The following POU2F3 variants were observed in gnomAD, a reference collection of about 807,000 sequenced individuals.
POU2F3 encodes the protein POU class 2 homeobox 3, also known as POU domain, class 2, transcription factor 3.
In POU2F3, 23 loss-of-function variants were observed where a neutral mutation model predicts 59.2. The observed-to-expected ratio is 0.39, with a 90% confidence interval of 0.28 to 0.55. The LOEUF (loss-of-function observed/expected upper bound fraction) is 0.55, where lower values mean the gene tolerates loss of function less well. Among genes scored for constraint, POU2F3 ranks in the 20% least tolerant of loss-of-function variants. The probability of loss-of-function intolerance (pLI) is 0.66; values close to 1 mark genes in which losing one functional copy is unlikely to be tolerated. For missense variants in POU2F3, 473 were observed against 544.5 expected (o/e 0.87, Z 1.31); for synonymous variants, 190 against 214.6 (o/e 0.89, Z 1.00).
intron 3 of POU2F3, among the ~76,000 whole-genome samples, chr11:120,295,159 C>T (rs1941157319): frequency 1.3e-5 from 2 of 152,200 alleles, no homozygotes; most frequent in African/African-American, 4.8e-5. Context: ...GGTGCGTTTT[C>T]TTTTATGATG....
At chr11:120,282,911 G>C (rs958987592) in intron 3 of POU2F3, among the ~76,000 whole-genome samples, 1 of 152,136 alleles carries the variant, frequency 6.6e-6, no homozygotes, top group African/African-American at 2.4e-5. Context: ...TGGGTTTTGC[G>C]GGCCACTTAT....
At chr11:120,280,023 C>A (rs1054383089) in intron 3 of POU2F3, among the ~76,000 whole-genome samples, 4 of 152,142 alleles carry the variant, frequency 2.6e-5, no homozygotes, top group African/African-American at 9.7e-5. Context: ...GGGTCCTTCA[C>A]CTGATTGTGC....
At chr11:120,310,416 G>A (rs1428874964) in intron 10 of POU2F3, among the ~76,000 whole-genome samples, 1 of 152,178 alleles carries the variant, frequency 6.6e-6, no homozygotes, top group East Asian at 1.9e-4. Context: ...ATTTGGGGCT[G>A]GTCATATTAA....
At chr11:120,286,045 G>A (rs1436958355) in intron 3 of POU2F3, among the ~76,000 whole-genome samples, 1 of 151,966 alleles carries the variant, frequency 6.6e-6, no homozygotes, top group Non-Finnish European at 1.5e-5. Context: ...ACCATGCCCA[G>A]CTCATTTTTG....
intron 11 of POU2F3, among the ~76,000 whole-genome samples, chr11:120,316,253 G>A (rs1186851149): frequency 6.6e-6 from 1 of 152,152 alleles, no homozygotes; most frequent in East Asian, 1.9e-4. Context: ...ACACAGTTTG[G>A]GAAACACAAA....
At chr11:120,272,955 GTCT>G (rs1454743521) in intron 3 of POU2F3, among the ~76,000 whole-genome samples, 2 of 152,180 alleles carry the variant, frequency 1.3e-5, no homozygotes, top group African/African-American at 4.8e-5. Context: ...CTGAGATGCT[GTCT>G]GAGGCCCCAA....
Position 120,318,409 on chromosome 11 carries a change from C to T in POU2F3, c.*17C>T. The T allele has an allele frequency of 2.5e-6, 4 of 1,577,194 alleles. No individual in the cohort carries two copies. The highest frequency in any genetic ancestry group is 3.5e-6 in the Non-Finnish European group (4 of 1,146,402). Reference sequence around the variant, plus strand: ...CTCCACTGAGACCAAAAAGTTTCTCCTACTCCAGCTGGCCCTGTATTCCCC... The same window carrying T: ...CTCCACTGAGACCAAAAAGTTTCTCTTACTCCAGCTGGCCCTGTATTCCCC... On this transcript the variant is annotated 3_prime_UTR_variant, in exon 13 of 13. Transcript: ENST00000543440.
upstream of POU2F3, among the ~76,000 whole-genome samples, chr11:120,237,649 G>T (rs1444977311): frequency 6.6e-6 from 1 of 152,188 alleles, no homozygotes; most frequent in Non-Finnish European, 1.5e-5. Flanking sequence ...CGGTGCACAT[G>T]GCCATGCAAA....
chr11:120,298,201 A>G, intron 3 of POU2F3, 64 bp from the exon 4 acceptor site: 1 of 1,535,796 alleles, frequency 6.5e-7, no homozygotes, highest in Non-Finnish European at 8.8e-7. Context: ...TCTTCCTGCC[A>G]TTTCCATCTC....
intron 1 of POU2F3, among the ~76,000 whole-genome samples, chr11:120,242,701 A>T (rs1438483593): frequency 1.3e-5 from 2 of 152,108 alleles, no homozygotes; most frequent in Admixed American, 6.5e-5. Flanking sequence ...AGTTAGCCCC[A>T]TTGTCTTGCT....
chr11:120,269,184 T>C (rs895583120), intron 2 of POU2F3, 26 bp from the exon 3 acceptor site: 11 of 1,548,696 alleles, frequency 7.1e-6, no homozygotes, highest in African/African-American at 1.4e-5. Context: ...TACCAACTAA[T>C]ATACATATAT....
At chr11:120,238,638 C>T (rs929913130), upstream of POU2F3, among the ~76,000 whole-genome samples, 2 of 151,788 alleles carry the variant, frequency 1.3e-5, no homozygotes, top group African/African-American at 4.8e-5. Context: ...AGATCGAGAC[C>T]ATCCTGGCAA....
chr11:120,297,582 A>G (rs974562176), intron 3 of POU2F3, among the ~76,000 whole-genome samples: 3 of 152,238 alleles, frequency 2.0e-5, no homozygotes, highest in African/African-American at 7.2e-5. Flanking sequence ...GGGGTTTCAT[A>G]GATGAGATTC....
chr11:120,314,276 G>T (rs780389392), intron 10 of POU2F3, among the ~76,000 whole-genome samples: 18 of 152,194 alleles, frequency 1.2e-4, no homozygotes, highest in Non-Finnish European at 2.1e-4. Context: ...CTTCCAAACT[G>T]GGGAGAGCAG....
intron 11 of POU2F3, among the ~76,000 whole-genome samples, chr11:120,316,175 C>T (rs946417052): frequency 5.3e-5 from 8 of 152,232 alleles, no homozygotes; most frequent in Admixed American, 3.3e-4. Context: ...CACTCAGCCC[C>T]TTCCACTTTT....
In POU2F3 at chr11:120,240,430, G is replaced by A. The variant is rs140355112; in HGVS notation, c.28+59G>A. On this transcript the variant is annotated intron_variant, in intron 1 of 12. Transcript: ENST00000543440. ...TCACTGCGCGTGGGCAGGGGTGAAG[G>A]AGAGGGACAACGTTCTGGTTAGGGA... 7.4e-4 allele frequency: 984 copies of A among 1,327,658 alleles called. 2 individuals carry two copies. Among genetic ancestry groups the A allele is most frequent in the Non-Finnish European group, 8.6e-4 (884 of 1,028,466 alleles). 82.2% of individuals were successfully genotyped at this position (1,327,658 alleles called of 1,614,324 possible). A position where few individuals can be genotyped will look rare whatever the true frequency, so the allele number is the denominator to read the frequency against.
chr11:120,284,544 C>T (rs543911060), intron 3 of POU2F3, among the ~76,000 whole-genome samples: 2 of 152,174 alleles, frequency 1.3e-5, no homozygotes, highest in South Asian at 4.2e-4. Context: ...CTCTAGGGAC[C>T]CGGAGTGTGT....
chr11:120,293,327 C>A (rs1479985194), intron 3 of POU2F3, among the ~76,000 whole-genome samples: 1 of 152,184 alleles, frequency 6.6e-6, no homozygotes, highest in Non-Finnish European at 1.5e-5. Context: ...GAGAATCCCC[C>A]AAGCAAAAAT....
rs11443197 is a variant in POU2F3, at chr11:120,304,942, T to TAAAAAA, written c.445-64_445-59dup. The TAAAAAA allele has an allele frequency of 2.7e-4, 90 of 336,626 alleles. 2 individuals are homozygous for TAAAAAA. The highest frequency in any genetic ancestry group is 7.7e-4 in the South Asian group (21 of 27,414). The allele number at this position is 336,626 out of a possible 1,614,324, so 20.9% of individuals were successfully genotyped here. The stretch of plus-strand genomic sequence containing the variant: ...GTCATCCTCTAAGTGGGCCTATTAG[T>TAAAAAA]AAAAAAAAAAAAAAAAAAAAAAAAA... On this transcript the variant is annotated intron_variant, in intron 6 of 12. Transcript: ENST00000543440.
Sources: allele counts gnomAD v4.1 joint callset (sites outside exome capture counted in the v4.1 genomes callset), GRCh38; gene constraint gnomAD v4.1.1; transcripts MANE v1.5; gene names NCBI Gene and HGNC (gene_info 2026-07-23, HGNC 2026-07-21).